GABRA4: variants seen among roughly 807,000 people sequenced by gnomAD.
The protein encoded by GABRA4 is gamma-aminobutyric acid type A receptor subunit alpha4, also known as gamma-aminobutyric acid receptor subunit alpha-4.
In GABRA4, 12 loss-of-function variants were observed where a neutral mutation model predicts 49.7. That is an observed-to-expected ratio of 0.24 (90% CI 0.15 to 0.39). The LOEUF is 0.39. GABRA4 is among the 10% of genes least tolerant of loss of function. The probability of loss-of-function intolerance (pLI) is 1.00; values close to 1 mark genes in which losing one functional copy is unlikely to be tolerated. For synonymous variants in GABRA4, 288 were observed against 240.2 expected (o/e 1.20, Z -1.84); for missense variants, 506 against 686.0 (o/e 0.74, Z 2.93).
At chr4:46,988,464 T>G (rs1046059896) in intron 2 of GABRA4, among the ~76,000 whole-genome samples, 2 of 152,218 alleles carry the variant, frequency 1.3e-5, no homozygotes, top group African/African-American at 4.8e-5. Context: ...AGTGCTCTTT[T>G]TGTCTATGTA....
Position 46,943,732 on chromosome 4 carries a change from C to T in GABRA4, c.1135-14977G>A, listed in dbSNP as rs781323913. Among the ~76,000 whole-genome samples the T allele has an allele frequency of 9.2e-5, 14 of 152,124 alleles. No homozygotes were observed. In the East Asian group the frequency reaches 1.4e-3, roughly 15 times the overall value. On this transcript the variant is annotated intron_variant, in intron 8 of 8. Coordinates refer to ENST00000264318, the MANE Select transcript of GABRA4 (RefSeq NM_000809.4). ...TACCCAGGAGGTTACTCCACATAGG[C>T]TGGTAACTTACTGCCTTTCTCTGCC...
intron 5 of GABRA4, among the ~76,000 whole-genome samples, chr4:46,975,610 A>G (rs932100695): frequency 4.0e-5 from 6 of 151,822 alleles, no homozygotes; most frequent in African/African-American, 1.4e-4. Flanking sequence ...TTAATTCCCA[A>G]TCCAAAAACA....
At chr4:46,943,541 G>A (rs1364766743) in intron 8 of GABRA4, among the ~76,000 whole-genome samples, 9 of 152,080 alleles carry the variant, frequency 5.9e-5, no homozygotes, top group African/African-American at 2.2e-4. Flanking sequence ...GCACCTGATT[G>A]TTTTCAGGGG....
chr4:46,986,092 G>C (rs958814408), intron 2 of GABRA4, among the ~76,000 whole-genome samples: 1 of 151,916 alleles, frequency 6.6e-6, no homozygotes, highest in African/African-American at 2.4e-5. Flanking sequence ...TCAATAACTT[G>C]TTTTTCATGC....
chr4:46,981,211 T>G (rs936656978), intron 2 of GABRA4, among the ~76,000 whole-genome samples: 4 of 152,100 alleles, frequency 2.6e-5, no homozygotes, highest in Non-Finnish European at 5.9e-5. Flanking sequence ...CTATAAAATA[T>G]TAATATCATA....
At chr4:46,968,898 T>C (rs113124512) in intron 7 of GABRA4, among the ~76,000 whole-genome samples, 10 of 151,808 alleles carry the variant, frequency 6.6e-5, no homozygotes, top group African/African-American at 2.4e-4. Context: ...GACAGTCACA[T>C]TAACCTATCA....
intron 2 of GABRA4, among the ~76,000 whole-genome samples, chr4:46,981,218 C>T (rs1723345789): frequency 6.6e-6 from 1 of 152,008 alleles, no homozygotes; most frequent in African/African-American, 2.4e-5. Context: ...ATATTAATAT[C>T]ATACGTATTT....
At chr4:46,963,462 T>A (rs1371515442) in intron 8 of GABRA4, among the ~76,000 whole-genome samples, 1 of 151,810 alleles carries the variant, frequency 6.6e-6, no homozygotes, top group African/African-American at 2.4e-5. Context: ...TCTGATGGGC[T>A]TATCAGGGGT....
chr4:46,954,363 C>A (rs934490839), intron 8 of GABRA4, among the ~76,000 whole-genome samples: 1 of 151,376 alleles, frequency 6.6e-6, no homozygotes, highest in African/African-American at 2.4e-5. Flanking sequence ...TCGAGACCAG[C>A]CTGGCCAAAT....
chr4:46,971,011 T>C lies in GABRA4; in HGVS notation c.874+72A>G. 4 of 1,434,046 alleles carry C rather than the reference T, an allele frequency of 2.8e-6. No individual in the cohort carries two copies. The East Asian group carries it at 7.1e-5, about 25-fold the overall frequency. The allele number at this position is 1,434,046 out of a possible 1,614,324, so 88.8% of individuals were successfully genotyped here. A position where few individuals can be genotyped will look rare whatever the true frequency, so the allele number is the denominator to read the frequency against. ...TGATGTATTAGGGTTTAAGATTTTCTTAGAAATATCCCATGAATCATGAAT... is the reference window on the plus strand; with the variant it reads ...TGATGTATTAGGGTTTAAGATTTTCCTAGAAATATCCCATGAATCATGAAT... On this transcript the variant is annotated intron_variant, in intron 7 of 8. Transcript: ENST00000264318.
intron 8 of GABRA4, among the ~76,000 whole-genome samples, chr4:46,949,785 A>G (rs960911707): frequency 6.6e-6 from 1 of 152,136 alleles, no homozygotes; most frequent in Non-Finnish European, 1.5e-5. Context: ...GCAATTCATA[A>G]GAAACACTGT....
chr4:46,953,823 T>C (rs370223470), intron 8 of GABRA4, among the ~76,000 whole-genome samples: 3 of 152,022 alleles, frequency 2.0e-5, no homozygotes, highest in East Asian at 1.9e-4. Context: ...TTGTGGATAG[T>C]TGGGGAGTAA....
intron 8 of GABRA4, among the ~76,000 whole-genome samples, chr4:46,932,212 C>T (rs1407263171): frequency 6.6e-6 from 1 of 152,032 alleles, no homozygotes; most frequent in African/African-American, 2.4e-5. Flanking sequence ...ATATTTTGCC[C>T]TTCATAATCC....
In GABRA4 at chr4:46,972,818, T is replaced by C. The variant is rs148246053; in HGVS notation, c.721+1414A>G. 2.5e-3 allele frequency among the ~76,000 whole-genome samples: 386 copies of C among 151,766 alleles called. 1 individual carries two copies. Among genetic ancestry groups the C allele is most frequent in the Admixed American group, 4.7e-3 (71 of 15,170 alleles). On this transcript the variant is annotated intron_variant, in intron 6 of 8. Coordinates refer to ENST00000264318, the MANE Select transcript of GABRA4 (RefSeq NM_000809.4). Reference sequence around the variant, plus strand: ...TCACTGCCTTTCAGTTTGACTATTTTAGATTCATCATCCCTTCACAACACT... The same window carrying C: ...TCACTGCCTTTCAGTTTGACTATTTCAGATTCATCATCCCTTCACAACACT...
chr4:46,934,409 T>C (rs1721538179), intron 8 of GABRA4, among the ~76,000 whole-genome samples: 1 of 152,144 alleles, frequency 6.6e-6, no homozygotes, highest in African/African-American at 2.4e-5. Context: ...CACGTAGAAA[T>C]TTTTAACACA....
intron 2 of GABRA4, among the ~76,000 whole-genome samples, chr4:46,989,604 C>T (rs1723671736): frequency 6.6e-6 from 1 of 152,182 alleles, no homozygotes; most frequent in African/African-American, 2.4e-5. Flanking sequence ...AGCTGTGCTG[C>T]TGAGTTAAAA....
At chr4:46,948,152 C>A (rs1188293183) in intron 8 of GABRA4, among the ~76,000 whole-genome samples, 2 of 152,114 alleles carry the variant, frequency 1.3e-5, no homozygotes, top group Non-Finnish European at 2.9e-5. Flanking sequence ...ATTTTCACAG[C>A]ACCCTAAAAT....
At chr4:46,949,736 T>C (rs1254631374) in intron 8 of GABRA4, among the ~76,000 whole-genome samples, 1 of 152,110 alleles carries the variant, frequency 6.6e-6, no homozygotes, top group Non-Finnish European at 1.5e-5. Flanking sequence ...ATTGCAAATG[T>C]GCAAAAATGA....
chr4:46,959,228 A>G (rs1344460878), intron 8 of GABRA4, among the ~76,000 whole-genome samples: 1 of 151,910 alleles, frequency 6.6e-6, no homozygotes, highest in Non-Finnish European at 1.5e-5. Flanking sequence ...GTGATACTGT[A>G]AAACCAGCTG....
Sources: allele counts gnomAD v4.1 joint callset (sites outside exome capture counted in the v4.1 genomes callset), GRCh38; gene constraint gnomAD v4.1.1; transcripts MANE v1.5; gene names NCBI Gene and HGNC (gene_info 2026-07-23, HGNC 2026-07-21).